MNDA: variants seen among roughly 807,000 people sequenced by gnomAD.
MNDA encodes the protein myeloid cell nuclear differentiation antigen, also known as epididymis secretory sperm binding protein.
In MNDA, 43 loss-of-function variants were observed where a neutral mutation model predicts 37.8. The ratio of observed to expected loss-of-function variants is 1.14; its 90% confidence interval spans 0.89 to 1.47. MNDA has a LOEUF of 1.47. Ranked by LOEUF, MNDA falls within the 40% of genes most tolerant of loss-of-function variation. The pLI is 0.00. For missense variants in MNDA, 536 were observed against 476.0 expected (o/e 1.13, Z -1.17); for synonymous variants, 181 against 169.0 (o/e 1.07, Z -0.55).
At chr1:158,831,815 T>C (rs1658809587) in intron 1 of MNDA, among the ~76,000 whole-genome samples, 1 of 152,170 alleles carries the variant, frequency 6.6e-6, no homozygotes, top group South Asian at 2.1e-4. Context: ...TTGGCATAAA[T>C]TGATATTTAG....
At chr1:158,838,376 T>C (rs1658963578) in intron 1 of MNDA, among the ~76,000 whole-genome samples, 1 of 152,088 alleles carries the variant, frequency 6.6e-6, no homozygotes, top group Admixed American at 6.6e-5. Context: ...TGGACAGACT[T>C]TTCTTTAAAC....
Position 158,847,666 on chromosome 1 carries a change from C to T in MNDA, c.988-62C>T, listed in dbSNP as rs938487349. The T allele has an allele frequency of 6.1e-6, 9 of 1,480,624 alleles. No homozygotes were observed. In the African/African-American group the frequency reaches 9.8e-5, roughly 16 times the overall value. 91.7% of individuals were successfully genotyped at this position (1,480,624 alleles called of 1,614,324 possible). A position where few individuals can be genotyped will look rare whatever the true frequency, so the allele number is the denominator to read the frequency against. On this transcript the variant is annotated intron_variant, in intron 5 of 6. Transcript: ENST00000368141. ...ATTGCATTAACTTTGTCATGAGACT[C>T]TTTCTCATCTATATGATACTAACAA...
chr1:158,843,884 G>A, intron 3 of MNDA, 71 bp from the exon 4 acceptor site: 2 of 1,384,058 alleles, frequency 1.4e-6, no homozygotes, highest in Non-Finnish European at 2.0e-6. Context: ...ATGTTGTAAT[G>A]AAAAAATGAA....
intron 1 of MNDA, among the ~76,000 whole-genome samples, chr1:158,837,087 T>A (rs1658931029): frequency 6.6e-6 from 1 of 151,934 alleles, no homozygotes; most frequent in Non-Finnish European, 1.5e-5. Flanking sequence ...ACGTTTAACA[T>A]TTATTAACAC....
chr1:158,844,893 G>C (rs1460071537), intron 4 of MNDA, among the ~76,000 whole-genome samples: 1 of 152,084 alleles, frequency 6.6e-6, no homozygotes, highest in East Asian at 1.9e-4. Flanking sequence ...ATTTGGATTT[G>C]TTATTATATT....
chr1:158,843,146 G>A (rs911138472), intron 2 of MNDA, 133 bp from the exon 3 acceptor site: 2 of 1,130,500 alleles, frequency 1.8e-6, no homozygotes, highest in African/African-American at 1.6e-5. Flanking sequence ...CTGGGTTAAT[G>A]CAGTAGAGGT....
chr1:158,848,949 A>G lies in MNDA; in HGVS notation c.1177-241A>G, dbSNP rs16841181. Reference sequence around the variant, plus strand: ...TAGTTGGTTAACCAGGATACCACAGAAGTTTATTTCAAAAATCCATTCAGG... The same window carrying G: ...TAGTTGGTTAACCAGGATACCACAGGAGTTTATTTCAAAAATCCATTCAGG... On this transcript the variant is annotated intron_variant, in intron 6 of 6. Transcript: ENST00000368141. Among the ~76,000 whole-genome samples, 1,170 of 152,308 alleles carry G rather than the reference A, an allele frequency of 7.7e-3. 17 individuals carry two copies. The highest frequency in any genetic ancestry group is 0.027 in the African/African-American group (1,102 of 41,566).
intron 1 of MNDA, among the ~76,000 whole-genome samples, chr1:158,834,231 A>G (rs994874293): frequency 7.7e-6 from 1 of 130,254 alleles, no homozygotes; most frequent in East Asian, 2.2e-4. Context: ...TCCTTTATCA[A>G]TTTTTTTTTT....
In MNDA at chr1:158,845,622, A is replaced by G. The variant is rs368560037; in HGVS notation, c.606A>G (p.Ala202=). ...CCCAGGCCCAACGGCAGGTGGATGCAAGAAGAAATGTTCCCCAAAACGACC... is the reference window on the plus strand; with the variant it reads ...CCCAGGCCCAACGGCAGGTGGATGCGAGAAGAAATGTTCCCCAAAACGACC... ...QETQAQRQVD[A]RRNVPQNDPV... is the part of the protein sequence containing the mutation. The change falls in exon 5 of 7, where the codon GCA becomes GCG. Residue 202 remains alanine (A), a synonymous_variant. Transcript: ENST00000368141. The G allele has an allele frequency of 7.4e-6, 12 of 1,613,368 alleles. No homozygotes were observed. The African/African-American group carries it at 1.1e-4, about 14-fold the overall frequency.
At chr1:158,835,828 C>G (rs929567285) in intron 1 of MNDA, among the ~76,000 whole-genome samples, 1 of 151,844 alleles carries the variant, frequency 6.6e-6, no homozygotes, top group African/African-American at 2.4e-5. Context: ...GTGTTTCTAA[C>G]ATGAAAGGCT....
chr1:158,843,395 G>C lies in MNDA; in HGVS notation c.382G>C (p.Gly128Arg). The change falls in exon 3 of 7, where the codon GGG becomes CGG. Residue 128 changes from glycine (G) to arginine (R), a missense_variant. Coordinates refer to ENST00000368141, the MANE Select transcript of MNDA (RefSeq NM_002432.3). ...ARNKLTSEARGRIPVAQKRKT... is the reference protein window; with the variant it reads ...ARNKLTSEARRRIPVAQKRKT... ...AAACAAACTGACATCGGAAGCAAGAGGGAGGATTCCTGTAGCTCAGGTAAG... is the reference window on the plus strand; with the variant it reads ...AAACAAACTGACATCGGAAGCAAGACGGAGGATTCCTGTAGCTCAGGTAAG... The C allele has an allele frequency of 1.2e-6, 2 of 1,610,140 alleles. No homozygotes were observed. Among genetic ancestry groups the C allele is most frequent in the Non-Finnish European group, 1.7e-6 (2 of 1,178,206 alleles).
In MNDA at chr1:158,838,052, A is replaced by G. The variant is rs575239443; in HGVS notation, c.-20-4082A>G. On this transcript the variant is annotated intron_variant, in intron 1 of 6. Transcript: ENST00000368141. ...AATTGCATTTATATAATATGTACCA[A>G]TTAACATTGATTTATAAATTGTTTT... Among the ~76,000 whole-genome samples, 31 of 152,066 alleles carry G rather than the reference A, an allele frequency of 2.0e-4. 1 individual carries two copies. Among genetic ancestry groups the G allele is most frequent in the South Asian group, 8.3e-4 (4 of 4,828 alleles).
At chr1:158,833,423 T>C (rs1658842840) in intron 1 of MNDA, among the ~76,000 whole-genome samples, 1 of 152,214 alleles carries the variant, frequency 6.6e-6, no homozygotes, top group South Asian at 2.1e-4. Flanking sequence ...GCAACCAACC[T>C]CCAGAACGCC....
At position 158,849,415 on chromosome 1, in the gene MNDA, CT is replaced by C; in HGVS notation, c.*180del. On this transcript the variant is annotated 3_prime_UTR_variant, in exon 7 of 7. Transcript: ENST00000368141. ...AGTTTGCTTTCTGGAATAAAATTTT[CT>C]TCTTATACTCTTCCTTTTTTTTAGA... 2.0e-6 allele frequency: 1 copy of C among 509,276 alleles called. No homozygotes were observed. Among genetic ancestry groups the C allele is most frequent in the Non-Finnish European group, 3.4e-6 (1 of 289,964 alleles). 31.5% of individuals were successfully genotyped at this position (509,276 alleles called of 1,614,324 possible).
rs897984440 is a variant in MNDA, at chr1:158,842,178, C to A, written c.25C>A (p.Leu9Ile). Residue 9 changes from leucine to isoleucine, a missense_variant, in exon 2 of 7, where the codon CTT becomes ATT. Leu to Ile is a conservative substitution (Grantham distance 5, BLOSUM62 2). Transcript: ENST00000368141. ...AATGGTGAATGAATACAAGAAAATT[C>A]TTTTGCTGAAAGGATTTGAGCTCAT... MVNEYKKI[L>I]LLKGFELMDD... The A allele has an allele frequency of 6.8e-6, 11 of 1,610,856 alleles. No homozygotes were observed. The highest frequency in any genetic ancestry group is 1.7e-4 in the Middle Eastern group (1 of 5,894).
chr1:158,848,095 T>C (rs967373182), intron 6 of MNDA, among the ~76,000 whole-genome samples, 179 bp downstream of exon 6: 12 of 152,214 alleles, frequency 7.9e-5, no homozygotes, highest in African/African-American at 2.9e-4. Context: ...GGTAAAGGCA[T>C]TCATACAGCT....
At chr1:158,848,081 T>C (rs529111801) in intron 6 of MNDA, among the ~76,000 whole-genome samples, 165 bp downstream of exon 6, 2 of 152,278 alleles carry the variant, frequency 1.3e-5, no homozygotes, top group South Asian at 4.1e-4. Flanking sequence ...CAGAAGGATA[T>C]TAAGGTAAAG....
intron 1 of MNDA, among the ~76,000 whole-genome samples, chr1:158,835,370 C>A (rs79470892): frequency 0.051 from 7,717 of 152,014 alleles, 573 homozygotes; most frequent in African/African-American, 0.17. Flanking sequence ...CTATTGTATA[C>A]AGAAAAAGAA....
Position 158,847,776 on chromosome 1 carries a change from G to T in MNDA, c.1036G>T (p.Gly346Ter). ...AATTTATGAAATACAGGATAATACA[G>T]GATCCATGGATGTAGTGGGGAGTGG... ...NTIYEIQDNT[G>*]SMDVVGSGKW... The change falls in exon 6 of 7, where the codon GGA becomes TGA. Residue 346 changes from glycine (G) to a stop codon, truncating the protein, a stop_gained. Transcript: ENST00000368141. LOFTEE classifies it high-confidence loss of function. The T allele has an allele frequency of 1.2e-6, 2 of 1,613,954 alleles. No homozygotes were observed. Among genetic ancestry groups the T allele is most frequent in the Non-Finnish European group, 1.7e-6 (2 of 1,179,876 alleles).
Sources: allele counts gnomAD v4.1 joint callset (sites outside exome capture counted in the v4.1 genomes callset), GRCh38; gene constraint gnomAD v4.1.1; transcripts MANE v1.5; gene names NCBI Gene and HGNC (gene_info 2026-07-23, HGNC 2026-07-21).